GNAL: variants seen among roughly 807,000 people sequenced by gnomAD.
GNAL encodes guanine nucleotide-binding protein G(olf) subunit alpha.
Under a neutral mutation model 55.1 loss-of-function variants are expected in GNAL, and 18 were observed. The ratio of observed to expected loss-of-function variants is 0.33; its 90% CI spans 0.23 to 0.48. The LOEUF is 0.48. Ranked by LOEUF, GNAL falls within the 20% of genes least tolerant of loss-of-function variation. The pLI is 0.99. For missense variants in GNAL, 412 were observed against 614.1 expected (o/e 0.67, Z 3.48); for synonymous variants, 253 against 237.0 (o/e 1.07, Z -0.62).
chr18:11,856,121 G>A (rs2036002600), intron 5 of GNAL, among the ~76,000 whole-genome samples: 1 of 151,482 alleles, frequency 6.6e-6, no homozygotes, highest in Non-Finnish European at 1.5e-5. Flanking sequence ...TGGCAATTCT[G>A]TAGCCAAAGT....
intron 4 of GNAL, among the ~76,000 whole-genome samples, chr18:11,809,383 A>G (rs2143558077): frequency 6.6e-6 from 1 of 152,360 alleles, no homozygotes; most frequent in East Asian, 1.9e-4. Flanking sequence ...TGATGAAGGC[A>G]CAACTCTACA....
intron 4 of GNAL, among the ~76,000 whole-genome samples, chr18:11,764,793 A>AG (rs1491383852): frequency 7.6e-5 from 10 of 132,102 alleles, no homozygotes; most frequent in African/African-American, 3.2e-4. Context: ...CAAACAAACA[A>AG]CAAAAAAAAG....
In GNAL at chr18:11,826,365, AGAGGAGGAG is replaced by A. The variant is rs60409657; in HGVS notation, c.722+1366_722+1374del. On this transcript the variant is annotated intron_variant, in intron 5 of 11. Coordinates refer to ENST00000334049, the MANE Select transcript of GNAL (RefSeq NM_182978.4). Reference sequence around the variant, plus strand: ...GAGGAGGAGCGGGGAGGGGGAAGGAAGAGGAGGAGGAGGAGGAGGAGGAGACACTAAGCA... The same window carrying A: ...GAGGAGGAGCGGGGAGGGGGAAGGAAGAGGAGGAGGAGGAGACACTAAGCA... Among the ~76,000 whole-genome samples, 127 of 19,224 alleles carry A rather than the reference AGAGGAGGAG, an allele frequency of 6.6e-3. 2 individuals are homozygous for A. Among genetic ancestry groups the A allele is most frequent in the African/African-American group, 0.011 (120 of 11,266 alleles). 12.6% of individuals were successfully genotyped at this position (19,224 alleles called of 152,430 possible). A position where few individuals can be genotyped will look rare whatever the true frequency, so the allele number is the denominator to read the frequency against.
At chr18:11,857,696 C>CAGT (rs1436393940) in intron 5 of GNAL, 73 of 985,208 alleles carry the variant, frequency 7.4e-5, no homozygotes, top group Non-Finnish European at 8.2e-5. Flanking sequence ...CCAGTGACGC[C>CAGT]GATATGCTGC....
chr18:11,753,476 TA>T, intron 2 of GNAL, 151 bp from the exon 3 acceptor site: 1 of 578,758 alleles, frequency 1.7e-6, no homozygotes, highest in Admixed American at 3.4e-5. Flanking sequence ...CTTTCCCAGA[TA>T]AAACCTTTGC....
At chr18:11,826,285 CGGGGAG>C (rs2035243223) in intron 5 of GNAL, among the ~76,000 whole-genome samples, 1 of 12,466 alleles carries the variant, frequency 8.0e-5, no homozygotes, top group African/African-American at 1.4e-4. Context: ...GGAGGAGGAG[CGGGGAG>C]GGGGAAGGAA....
At chr18:11,805,720 C>T (rs113142781) in intron 4 of GNAL, among the ~76,000 whole-genome samples, 41 of 152,240 alleles carry the variant, frequency 2.7e-4, no homozygotes, top group African/African-American at 8.9e-4. Context: ...TATTCTATTG[C>T]GTGTATATAT....
intron 4 of GNAL, among the ~76,000 whole-genome samples, chr18:11,818,338 T>C (rs2035011205): frequency 6.6e-6 from 1 of 152,220 alleles, no homozygotes; most frequent in South Asian, 2.1e-4. Context: ...TACTAGCTCA[T>C]TCTGTTATCC....
intron 5 of GNAL, among the ~76,000 whole-genome samples, chr18:11,858,940 C>T: frequency 6.6e-6 from 1 of 152,168 alleles, no homozygotes; most frequent in East Asian, 1.9e-4. Context: ...TTTCATAGTG[C>T]ACAGGAAGAT....
At chr18:11,726,953 G>A (rs543171993) in intron 1 of GNAL, among the ~76,000 whole-genome samples, 1 of 151,582 alleles carries the variant, frequency 6.6e-6, no homozygotes, top group Admixed American at 6.6e-5. Context: ...TTTTCTTAAG[G>A]TTAGAAAACA....
chr18:11,702,588 G>A (rs531717471), intron 1 of GNAL, among the ~76,000 whole-genome samples: 20 of 152,288 alleles, frequency 1.3e-4, no homozygotes, highest in African/African-American at 4.3e-4. Context: ...CGTCTACCAC[G>A]TCCCAGGTTC....
chr18:11,739,447 G>C (rs538727306), intron 1 of GNAL, among the ~76,000 whole-genome samples: 26 of 152,204 alleles, frequency 1.7e-4, no homozygotes, highest in African/African-American at 5.1e-4. Flanking sequence ...GGTGACCATG[G>C]TACGGTTCTC....
At chr18:11,733,214 C>T (rs28532172) in intron 1 of GNAL, among the ~76,000 whole-genome samples, 13 of 152,316 alleles carry the variant, frequency 8.5e-5, no homozygotes, top group African/African-American at 3.1e-4. Context: ...CGCGGGGAGC[C>T]GTCGACTGGG....
chr18:11,766,751 C>T (rs1359285227), intron 4 of GNAL, among the ~76,000 whole-genome samples: 1 of 152,120 alleles, frequency 6.6e-6, no homozygotes, highest in African/African-American at 2.4e-5. Context: ...TACTTAATTG[C>T]AAAAATATAG....
chr18:11,783,355 T>C (rs73401824), intron 4 of GNAL, among the ~76,000 whole-genome samples: 19,988 of 152,248 alleles, frequency 0.13, 1,987 homozygotes, highest in African/African-American at 0.28. Context: ...CTGTGAGGGT[T>C]AAACAAGTTA....
intron 1 of GNAL, among the ~76,000 whole-genome samples, chr18:11,699,103 C>A (rs530919213): frequency 6.6e-6 from 1 of 152,206 alleles, no homozygotes; most frequent in Admixed American, 6.5e-5. Context: ...TGCATAAATC[C>A]GAATAAGGAG....
At chr18:11,765,387 C>T (rs2033372967) in intron 4 of GNAL, among the ~76,000 whole-genome samples, 1 of 152,174 alleles carries the variant, frequency 6.6e-6, no homozygotes, top group Non-Finnish European at 1.5e-5. Context: ...TATCCGTCAC[C>T]TCAAACATTT....
intron 4 of GNAL, among the ~76,000 whole-genome samples, chr18:11,764,144 G>A (rs532042700): frequency 1.4e-4 from 21 of 151,560 alleles, no homozygotes; most frequent in Middle Eastern, 3.4e-3. Flanking sequence ...TTGCTCTGTC[G>A]CCCAGGCTAC....
At chr18:11,748,740 A>G (rs543838429) in intron 1 of GNAL, among the ~76,000 whole-genome samples, 1 of 152,274 alleles carries the variant, frequency 6.6e-6, no homozygotes, top group Admixed American at 6.5e-5. Context: ...GCTGTCCAAC[A>G]TTTTATAGAA....
Sources: allele counts gnomAD v4.1 joint callset (sites outside exome capture counted in the v4.1 genomes callset), GRCh38; gene constraint gnomAD v4.1.1; transcripts MANE v1.5; gene names NCBI Gene and HGNC (gene_info 2026-07-23, HGNC 2026-07-21).